The following ZNF766 variants were observed in gnomAD, a reference collection of about 807,000 sequenced individuals.
ZNF766 encodes zinc finger protein 766.
In ZNF766, 13 loss-of-function variants were observed where a neutral mutation model predicts 13.2. That is an observed-to-expected ratio of 0.98 (90% CI 0.64 to 1.56). The LOEUF (loss-of-function observed/expected upper bound fraction) is 1.56. ZNF766 is among the 40% of genes most tolerant of loss of function. ZNF766 has a pLI of 0.00. For synonymous variants in ZNF766, 178 were observed against 187.6 expected (o/e 0.95, Z 0.42); for missense variants, 521 against 552.2 (o/e 0.94, Z 0.57).
At position 52,290,047 on chromosome 19, in the gene ZNF766, TCTTTA is replaced by T. The variant is rs1265259110; in HGVS notation, c.275-15_275-11del. ...CCAGAACCATGGGTTCAAATTATAC[TCTTTA>T]CTTGCTTTCCTAGGGAGGAGCTGTG... On this transcript the variant is annotated splice_polypyrimidine_tract_variant and intron_variant, in intron 3 of 3. Coordinates refer to ENST00000439461, the MANE Select transcript of ZNF766 (RefSeq NM_001010851.3). 41 of 1,572,560 alleles carry T rather than the reference TCTTTA, an allele frequency of 2.6e-5. No individual in the cohort carries two copies. Among genetic ancestry groups the T allele is most frequent in the Non-Finnish European group, 3.5e-5 (41 of 1,161,744 alleles).
In ZNF766 at chr19:52,294,323, A is replaced by G. The variant is rs1360839457; in HGVS notation, c.*3125A>G. 1 of 152,244 alleles carries G rather than the reference A, an allele frequency of 6.6e-6. No homozygotes were observed. The highest frequency in any genetic ancestry group is 2.4e-5 in the African/African-American group (1 of 41,472). 9.4% of individuals were successfully genotyped at this position (152,244 alleles called of 1,614,324 possible). ...CTAGAAACTTCACATTTTCACCCTT[A>G]TAACCTTTTTGGTAATTTGAACTTT... On this transcript the variant is annotated 3_prime_UTR_variant, in exon 4 of 4. Transcript: ENST00000439461.
rs141597598 is a variant in ZNF766, at chr19:52,270,389, TAGC to T, written c.18+761_18+763del. On this transcript the variant is annotated intron_variant, in intron 1 of 3. Coordinates refer to ENST00000439461, the MANE Select transcript of ZNF766 (RefSeq NM_001010851.3). Reference sequence around the variant, plus strand: ...AAAGTGAAAGAAGCACCCCAGGAAGTAGCAGGGAGAGAAAAGCAACTCGAGAAA... The same window carrying T: ...AAAGTGAAAGAAGCACCCCAGGAAGTAGGGAGAGAAAAGCAACTCGAGAAA... Among the ~76,000 whole-genome samples, 1,409 of 152,020 alleles carry T rather than the reference TAGC, an allele frequency of 9.3e-3. 26 individuals carry two copies. Among genetic ancestry groups the T allele is most frequent in the African/African-American group, 0.033 (1,358 of 41,468 alleles).
chr19:52,274,486 G>A (rs2041005201), intron 1 of ZNF766: 1 of 152,428 alleles, frequency 6.6e-6, no homozygotes, highest in Non-Finnish European at 1.5e-5. Context: ...TGGATGTGGA[G>A]GAGGATGACA....
intron 3 of ZNF766, among the ~76,000 whole-genome samples, chr19:52,285,248 TG>T (rs952712473): frequency 2.0e-4 from 31 of 152,202 alleles, no homozygotes; most frequent in Middle Eastern, 3.4e-3. Context: ...ACCAAAGGTG[TG>T]GGGGGTTTTC....
intron 3 of ZNF766, among the ~76,000 whole-genome samples, chr19:52,288,653 C>T (rs1426097387): frequency 6.7e-6 from 1 of 149,760 alleles, no homozygotes; most frequent in Non-Finnish European, 1.5e-5. Flanking sequence ...CTCAGCCTCC[C>T]AAAGTGCTGC....
chr19:52,289,893 T>G (rs952250654), intron 3 of ZNF766, among the ~76,000 whole-genome samples, 173 bp from the exon 4 acceptor site: 1 of 152,002 alleles, frequency 6.6e-6, no homozygotes, highest in Non-Finnish European at 1.5e-5. Flanking sequence ...CCCAGCTACT[T>G]GGGAGGCTGA....
chr19:52,288,732 T>C (rs916556251), intron 3 of ZNF766, among the ~76,000 whole-genome samples: 3 of 148,524 alleles, frequency 2.0e-5, no homozygotes, highest in African/African-American at 7.4e-5. Context: ...CATTACAATA[T>C]CCCTTCCAGC....
At chr19:52,287,912 C>T in intron 3 of ZNF766, 1 of 373,748 alleles carries the variant, frequency 2.7e-6, no homozygotes, top group South Asian at 2.0e-5. Context: ...AAAAGTCTTA[C>T]CCAAAGAGTG....
intron 1 of ZNF766, among the ~76,000 whole-genome samples, chr19:52,279,651 CTT>C (rs2122473225): frequency 6.6e-6 from 1 of 151,692 alleles, no homozygotes; most frequent in Admixed American, 6.6e-5. Flanking sequence ...GGTAGGATCT[CTT>C]GAGTTTGAGA....
At chr19:52,278,087 C>T (rs552660506) in intron 1 of ZNF766, among the ~76,000 whole-genome samples, 1 of 151,942 alleles carries the variant, frequency 6.6e-6, no homozygotes, top group South Asian at 2.1e-4. Context: ...GTCCTCCCAC[C>T]TCAGCCTCTT....
rs901514393 is a variant in ZNF766, at chr19:52,290,671, A to T, written c.880A>T (p.Thr294Ser). ...TYLVRHQKIH[T>S]REKPHKCNKC... ...CCTTGTACGACATCAGAAAATTCAT[A>T]CTAGAGAGAAACCTCATAAATGTAA... Residue 294 changes from threonine to serine, a missense_variant, in exon 4 of 4, where the codon ACT becomes TCT. By Grantham distance (58) the Thr-to-Ser change is moderately conservative. Transcript: ENST00000439461. 2 of 1,613,710 alleles carry T rather than the reference A, an allele frequency of 1.2e-6. No homozygotes were observed.
intron 1 of ZNF766, among the ~76,000 whole-genome samples, chr19:52,275,123 C>T (rs1271891513): frequency 6.6e-6 from 1 of 152,078 alleles, no homozygotes; most frequent in Non-Finnish European, 1.5e-5. Flanking sequence ...CTTCAGGAGG[C>T]GTCTGGGAGA....
Position 52,292,957 on chromosome 19 carries a change from C to T in ZNF766, c.*1759C>T, listed in dbSNP as rs1172628183. The T allele has an allele frequency of 6.6e-6, 1 of 151,910 alleles. No homozygotes were observed. The highest frequency in any genetic ancestry group is 1.5e-5 in the Non-Finnish European group (1 of 68,022). 9.4% of individuals were successfully genotyped at this position (151,910 alleles called of 1,614,324 possible). The stretch of plus-strand genomic sequence containing the variant: ...GTTAGATATTTCTCCTAATGTTATC[C>T]CTCTGCCAGCCCCCCACCCCCCGAC... On this transcript the variant is annotated 3_prime_UTR_variant, in exon 4 of 4. Coordinates refer to ENST00000439461, the MANE Select transcript of ZNF766 (RefSeq NM_001010851.3).
rs781432854 is a variant in ZNF766 at position 52,290,757 on chromosome 19, A to G, written c.966A>G (p.Thr322=). 18 of 1,613,824 alleles carry G rather than the reference A, an allele frequency of 1.1e-5. No homozygotes were observed. The highest frequency in any genetic ancestry group is 1.4e-5 in the Non-Finnish European group (17 of 1,179,886). ...SYLAQHWRIH[T]GEKLYKCNKC... is the part of the protein sequence containing the mutation. The stretch of plus-strand genomic sequence containing the variant: ...TAGCACAACATTGGAGAATTCATAC[A>G]GGAGAGAAACTTTACAAATGTAATA... Residue 322 remains threonine, a synonymous_variant, in exon 4 of 4, where the codon ACA becomes ACG. Transcript: ENST00000439461.
At chr19:52,285,929 C>T (rs1981794262) in intron 3 of ZNF766, among the ~76,000 whole-genome samples, 1 of 152,106 alleles carries the variant, frequency 6.6e-6, no homozygotes, top group Non-Finnish European at 1.5e-5. Flanking sequence ...GAACTGTGGA[C>T]AAAAACCAAG....
intron 3 of ZNF766, among the ~76,000 whole-genome samples, chr19:52,286,967 C>T (rs62110414): frequency 0.085 from 12,887 of 152,042 alleles, 1,188 homozygotes; most frequent in African/African-American, 0.23. Context: ...TCCCAAGTAG[C>T]TGAGACTACA....
At chr19:52,281,052 G>A (rs952881331) in intron 1 of ZNF766, among the ~76,000 whole-genome samples, 22 of 151,978 alleles carry the variant, frequency 1.4e-4, no homozygotes, top group African/African-American at 4.3e-4. Context: ...CTACTCGGGA[G>A]GCTGAGGCAG....
At position 52,282,043 on chromosome 19, in the gene ZNF766, C is replaced by G. The variant is rs909151248; in HGVS notation, c.19-68C>G. 10 of 1,555,674 alleles carry G rather than the reference C, an allele frequency of 6.4e-6. No individual in the cohort carries two copies. The African/African-American group carries it at 1.4e-4, about 21-fold the overall frequency. ...CAGTTGAGTCAGTCCTTACAACCCT[C>G]TTCTCATTTCGTGTGAACATAATTA... On this transcript the variant is annotated intron_variant, in intron 1 of 3. Transcript: ENST00000439461.
At position 52,291,322 on chromosome 19, in the gene ZNF766, A is replaced by G. The variant is rs1982135093; in HGVS notation, c.*124A>G. Reference sequence around the variant, plus strand: ...ATCGAGACCTACCAAATCACTAGACATCGAAACATTCATCTTTGGTGAAAC... The same window carrying G: ...ATCGAGACCTACCAAATCACTAGACGTCGAAACATTCATCTTTGGTGAAAC... On this transcript the variant is annotated 3_prime_UTR_variant, in exon 4 of 4. Transcript: ENST00000439461. 2.1e-6 allele frequency: 2 copies of G among 955,532 alleles called. No homozygotes were observed. The highest frequency in any genetic ancestry group is 3.1e-6 in the Non-Finnish European group (2 of 650,970). 59.2% of individuals were successfully genotyped at this position (955,532 alleles called of 1,614,324 possible).
Sources: gnomAD v4.1 joint callset for allele counts (sites outside exome capture counted in the v4.1 genomes callset) on GRCh38, gnomAD v4.1.1 for gene constraint, MANE v1.5 for transcripts, NCBI Gene and HGNC (gene_info 2026-07-23, HGNC 2026-07-21) for gene names.